DPP10: variants seen among roughly 807,000 people sequenced by gnomAD.
DPP10 encodes the protein inactive dipeptidyl peptidase 10.
In DPP10, 33 loss-of-function variants were observed where a neutral mutation model predicts 120.9. The ratio of observed to expected loss-of-function variants is 0.27; its 90% CI spans 0.21 to 0.37. The LOEUF is 0.37. Among genes scored for constraint, DPP10 ranks in the 10% least tolerant of loss-of-function variants. The probability of loss-of-function intolerance (pLI) is 1.00; values close to 1 mark genes in which losing one functional copy is unlikely to be tolerated. For synonymous variants in DPP10, 337 were observed against 326.1 expected (o/e 1.03, Z -0.36); for missense variants, 816 against 942.8 (o/e 0.87, Z 1.76).
chr2:115,535,553 T>C (rs939017070), intron 5 of DPP10, among the ~76,000 whole-genome samples: 7 of 151,124 alleles, frequency 4.6e-5, no homozygotes, highest in Admixed American at 1.3e-4. Flanking sequence ...GTGTGATGCC[T>C]CCAGCTTTGT....
chr2:115,199,817 A>G lies in DPP10; in HGVS notation c.61-109422A>G, dbSNP rs1364352920. Among the ~76,000 whole-genome samples, 8 of 152,312 alleles carry G rather than the reference A, an allele frequency of 5.3e-5. No individual in the cohort carries two copies. In the South Asian group the frequency reaches 6.2e-4, roughly 12 times the overall value. ...TAAAAATATCTGGATTTCATAAGGC[A>G]TAATTGACAGGTTGCAGATCTGAGT... On this transcript the variant is annotated intron_variant, in intron 1 of 25. Transcript: ENST00000410059.
At position 115,467,793 on chromosome 2, in the gene DPP10, C is replaced by T. The variant is rs1449965655; in HGVS notation, c.272-31717C>T. ...TGGAATATTTATTAACTAGAACATT[C>T]TGCATACAGGCAGGACCTTGTGAAG... On this transcript the variant is annotated intron_variant, in intron 3 of 25. Transcript: ENST00000410059. 2.6e-5 allele frequency among the ~76,000 whole-genome samples: 4 copies of T among 152,248 alleles called. No homozygotes were observed. The East Asian group carries it at 7.7e-4, about 29-fold the overall frequency.
chr2:114,854,857 TATTTA>T (rs1689249883), intron 1 of DPP10, among the ~76,000 whole-genome samples: 1 of 152,218 alleles, frequency 6.6e-6, no homozygotes, highest in Non-Finnish European at 1.5e-5. Context: ...TAGGAGTGGA[TATTTA>T]ATTGTTTTAC....
intron 1 of DPP10, among the ~76,000 whole-genome samples, chr2:115,242,246 A>G (rs1010861706): frequency 3.9e-5 from 6 of 152,212 alleles, no homozygotes; most frequent in African/African-American, 7.2e-5. Flanking sequence ...GAGTGAGAAC[A>G]TACAATGTTT....
rs1465611651 is a variant in DPP10, at chr2:115,692,637, C to A, written c.576+2716C>A. Among the ~76,000 whole-genome samples the A allele has an allele frequency of 2.6e-5, 4 of 152,100 alleles. No homozygotes were observed. The East Asian group carries it at 7.7e-4, about 29-fold the overall frequency. On this transcript the variant is annotated intron_variant, in intron 7 of 25. Coordinates refer to ENST00000410059, the MANE Select transcript of DPP10 (RefSeq NM_020868.6). ...TTAACGTAGTTTAGAATCCTCTAGG[C>A]TTTTTTAAAATTTGAATTGCTGTTT... is the stretch of plus-strand genomic sequence containing the variant.
chr2:115,380,939 C>A (rs1189923208), intron 3 of DPP10, among the ~76,000 whole-genome samples: 1 of 152,190 alleles, frequency 6.6e-6, no homozygotes, highest in Non-Finnish European at 1.5e-5. Flanking sequence ...GTCTGATGGG[C>A]TTCCCTTTGA....
chr2:114,847,498 C>T (rs1688634496), intron 1 of DPP10, among the ~76,000 whole-genome samples: 1 of 152,170 alleles, frequency 6.6e-6, no homozygotes, highest in Non-Finnish European at 1.5e-5. Flanking sequence ...TCTTATCCAT[C>T]TCCGTACTTC....
At chr2:114,788,966 A>G (rs946817617) in intron 1 of DPP10, among the ~76,000 whole-genome samples, 5 of 152,118 alleles carry the variant, frequency 3.3e-5, no homozygotes, top group Admixed American at 2.0e-4. Context: ...AGTAGGTTCC[A>G]TGGGATGATG....
chr2:115,301,774 T>C (rs538855220), intron 1 of DPP10, among the ~76,000 whole-genome samples: 2 of 152,050 alleles, frequency 1.3e-5, no homozygotes, highest in Non-Finnish European at 2.9e-5. Context: ...TTGTAGTTTT[T>C]AACCCTAAAT....
At chr2:115,338,876 C>T (rs191066215) in intron 2 of DPP10, among the ~76,000 whole-genome samples, 1 of 152,102 alleles carries the variant, frequency 6.6e-6, no homozygotes, top group Non-Finnish European at 1.5e-5. Flanking sequence ...GAGAAAGTTT[C>T]AAGACCAAGA....
chr2:115,731,288 T>G (rs979812865), intron 8 of DPP10, among the ~76,000 whole-genome samples: 2 of 151,456 alleles, frequency 1.3e-5, no homozygotes, highest in Non-Finnish European at 2.9e-5. Context: ...AACCAGGGAG[T>G]TGGAGGTTGC....
chr2:115,151,216 T>C lies in DPP10; in HGVS notation c.61-158023T>C, dbSNP rs186917537. 7.0e-3 allele frequency among the ~76,000 whole-genome samples: 1,070 copies of C among 152,288 alleles called. 5 individuals carry two copies. The highest frequency in any genetic ancestry group is 0.027 in the Middle Eastern group (8 of 294). ...TCTCTCTAAGATAAAGTGTTACTGT[T>C]GGAAAGTTTAATAATAATAATCTTA... On this transcript the variant is annotated intron_variant, in intron 1 of 25. Coordinates refer to ENST00000410059, the MANE Select transcript of DPP10 (RefSeq NM_020868.6).
intron 1 of DPP10, among the ~76,000 whole-genome samples, chr2:114,454,741 T>C (rs1678471206): frequency 6.6e-6 from 1 of 152,104 alleles, no homozygotes; most frequent in Non-Finnish European, 1.5e-5. Flanking sequence ...GAAGACGACT[T>C]GCTTTGTCCT....
chr2:115,458,952 C>G (rs2105049236), intron 3 of DPP10, among the ~76,000 whole-genome samples: 1 of 152,262 alleles, frequency 6.6e-6, no homozygotes, highest in South Asian at 2.1e-4. Context: ...TAAGGCACAA[C>G]ATTTTCTTTT....
chr2:115,379,423 A>C (rs1388101654), intron 3 of DPP10, among the ~76,000 whole-genome samples: 3 of 151,600 alleles, frequency 2.0e-5, no homozygotes, highest in Non-Finnish European at 2.9e-5. Context: ...TTTTATTGCG[A>C]CTATTTGATT....
At chr2:115,146,897 A>C (rs1559145532) in intron 1 of DPP10, among the ~76,000 whole-genome samples, 1 of 152,136 alleles carries the variant, frequency 6.6e-6, no homozygotes, top group Non-Finnish European at 1.5e-5. Context: ...AATGTGCCAG[A>C]GACTTGATCT....
At chr2:115,068,029 A>G (rs1707065372) in intron 1 of DPP10, among the ~76,000 whole-genome samples, 1 of 152,000 alleles carries the variant, frequency 6.6e-6, no homozygotes, top group Non-Finnish European at 1.5e-5. Context: ...TGCAGTGAAC[A>G]CAGGAATGCA....
At chr2:114,731,406 C>G (rs1363696165) in intron 1 of DPP10, among the ~76,000 whole-genome samples, 1 of 152,138 alleles carries the variant, frequency 6.6e-6, no homozygotes, top group African/African-American at 2.4e-5. Flanking sequence ...TTCAAGGTCT[C>G]TCTCAGGAGA....
intron 5 of DPP10, among the ~76,000 whole-genome samples, chr2:115,622,510 CTTTTTTTT>C (rs70941082): frequency 3.4e-5 from 4 of 117,448 alleles, no homozygotes; most frequent in Admixed American, 8.9e-5. Context: ...ATTTTATTGT[CTTTTTTTT>C]TTTTTTTTTT....
Sources: allele counts gnomAD v4.1 joint callset (sites outside exome capture counted in the v4.1 genomes callset), GRCh38; gene constraint gnomAD v4.1.1; transcripts MANE v1.5; gene names NCBI Gene and HGNC (gene_info 2026-07-23, HGNC 2026-07-21).